FRMPD1: variants seen among roughly 807,000 people sequenced by gnomAD.
The protein encoded by FRMPD1 is FERM and PDZ domain-containing protein 1.
Under a neutral mutation model 117.8 loss-of-function variants are expected in FRMPD1, and 76 were observed. The ratio of observed to expected loss-of-function variants is 0.65; its 90% CI spans 0.54 to 0.78. The LOEUF is 0.78. FRMPD1 is among the 30% of genes least tolerant of loss of function. FRMPD1 has a pLI of 0.00. For missense variants in FRMPD1, 1,786 were observed against 1,964.5 expected (o/e 0.91, Z 1.72); for synonymous variants, 783 against 770.4 (o/e 1.02, Z -0.27).
At chr9:37,706,377 T>C (rs1032707912) in intron 2 of FRMPD1, among the ~76,000 whole-genome samples, 1 of 152,226 alleles carries the variant, frequency 6.6e-6, no homozygotes, top group Non-Finnish European at 1.5e-5. Flanking sequence ...CCTATTGCAT[T>C]AGGCAGGGTT....
chr9:37,638,472 T>A, the FRMPD1 span, among the ~76,000 whole-genome samples: 1 of 152,320 alleles, frequency 6.6e-6, no homozygotes, highest in Non-Finnish European at 1.5e-5. Context: ...GCTGCCCACC[T>A]GTCTGATTAT....
chr9:37,685,604 ATC>A (rs1434062208), intron 1 of FRMPD1, among the ~76,000 whole-genome samples: 5 of 152,010 alleles, frequency 3.3e-5, no homozygotes, highest in Admixed American at 6.5e-5. Flanking sequence ...GTGAGCCGAG[ATC>A]TTGCCACTGC....
At chr9:37,709,568 A>G (rs1822836360) in intron 4 of FRMPD1, among the ~76,000 whole-genome samples, 1 of 152,178 alleles carries the variant, frequency 6.6e-6, no homozygotes, top group Non-Finnish European at 1.5e-5. Flanking sequence ...AAAAGAGAGA[A>G]AGAAAAAGAA....
the FRMPD1 span, among the ~76,000 whole-genome samples, chr9:37,608,382 C>A: frequency 4.1e-5 from 4 of 98,376 alleles, no homozygotes; most frequent in Admixed American, 2.5e-4. Flanking sequence ...CTTTCTCTTT[C>A]TTTCTTTTTT....
chr9:37,652,756 C>T (rs1345699129), intron 1 of FRMPD1, among the ~76,000 whole-genome samples: 1 of 152,162 alleles, frequency 6.6e-6, no homozygotes, highest in Non-Finnish European at 1.5e-5. Context: ...ACTACTCATT[C>T]GAGAGGACAC....
chr9:37,655,927 A>G (rs1820829812), intron 1 of FRMPD1, among the ~76,000 whole-genome samples: 2 of 151,864 alleles, frequency 1.3e-5, no homozygotes, highest in African/African-American at 2.4e-5. Context: ...CTCAAATCCT[A>G]CCACCCTTAG....
chr9:37,685,402 G>A (rs1418817399), intron 1 of FRMPD1, among the ~76,000 whole-genome samples: 1 of 152,110 alleles, frequency 6.6e-6, no homozygotes, highest in Non-Finnish European at 1.5e-5. Context: ...CCAGCACTTT[G>A]GGAGGCCAAG....
intron 1 of FRMPD1, among the ~76,000 whole-genome samples, chr9:37,661,096 T>G (rs10814592): frequency 0.17 from 25,511 of 152,164 alleles, 3,026 homozygotes; most frequent in East Asian, 0.47. Flanking sequence ...CTCTGCACTT[T>G]CAGAGGATAG....
chr9:37,688,282 T>C (rs113467502), intron 1 of FRMPD1, among the ~76,000 whole-genome samples: 26 of 151,426 alleles, frequency 1.7e-4, no homozygotes, highest in African/African-American at 6.0e-4. Context: ...TTCAATCCCA[T>C]TAACAAATAT....
chr9:37,693,699 C>T (rs1822226638), intron 2 of FRMPD1, among the ~76,000 whole-genome samples: 1 of 152,218 alleles, frequency 6.6e-6, no homozygotes, highest in Admixed American at 6.5e-5. Flanking sequence ...TCCTTTCCAG[C>T]TATTTGTCTT....
intron 1 of FRMPD1, among the ~76,000 whole-genome samples, chr9:37,674,072 T>C (rs111614079): frequency 0.23 from 35,212 of 152,230 alleles, 4,208 homozygotes; most frequent in Middle Eastern, 0.28. Context: ...AATGGGTTTT[T>C]CTTTTCTATT....
At chr9:37,692,554 A>G (rs561779785) in intron 1 of FRMPD1, 84 bp from the exon 2 acceptor site, 215 of 901,342 alleles carry the variant, frequency 2.4e-4, no homozygotes, top group Non-Finnish European at 3.7e-4. Context: ...TAATGGGCAA[A>G]TAAAGGAAGC....
chr9:37,738,535 C>T lies in FRMPD1; in HGVS notation c.1549+1292C>T, dbSNP rs60327666. On this transcript the variant is annotated intron_variant, in intron 14 of 15. Coordinates refer to ENST00000377765, the MANE Select transcript of FRMPD1 (RefSeq NM_014907.3). ...TTGTACATTAGTAGAGATGGGGTTT[C>T]GCCATGTTGGTCAGACTGGTCTCGA... 5.8e-3 allele frequency among the ~76,000 whole-genome samples: 885 copies of T among 152,206 alleles called. 8 individuals carry two copies. Among genetic ancestry groups the T allele is most frequent in the African/African-American group, 0.02 (822 of 41,526 alleles).
the FRMPD1 span, among the ~76,000 whole-genome samples, chr9:37,638,946 G>A: frequency 2.0e-5 from 3 of 152,062 alleles, no homozygotes; most frequent in Non-Finnish European, 2.9e-5. Context: ...TTCTTGTTTC[G>A]TGGTGCCCAC....
At chr9:37,604,787 C>T in the FRMPD1 span, among the ~76,000 whole-genome samples, 2 of 152,094 alleles carry the variant, frequency 1.3e-5, no homozygotes, top group Admixed American at 6.5e-5. Flanking sequence ...AATGAGGGAA[C>T]CAGCCAGAAC....
chr9:37,706,850 C>T (rs976604888), intron 2 of FRMPD1, among the ~76,000 whole-genome samples: 1 of 152,192 alleles, frequency 6.6e-6, no homozygotes, highest in African/African-American at 2.4e-5. Context: ...TTTCTGCTCA[C>T]CATCCATGTT....
intron 1 of FRMPD1, among the ~76,000 whole-genome samples, chr9:37,668,888 A>T (rs1249853660): frequency 6.6e-6 from 1 of 152,212 alleles, no homozygotes; most frequent in Non-Finnish European, 1.5e-5. Context: ...ATCATTTTAT[A>T]TATAAATAAG....
intron 1 of FRMPD1, among the ~76,000 whole-genome samples, chr9:37,673,220 A>G (rs1406521397): frequency 2.0e-5 from 3 of 152,188 alleles, no homozygotes; most frequent in Admixed American, 1.3e-4. Context: ...GCCATTCCAA[A>G]TGGGAGAAAT....
In FRMPD1 at chr9:37,730,995, G is replaced by T. The variant is rs1823851681; in HGVS notation, c.750G>T (p.Arg250Ser). 2 of 1,613,946 alleles carry T rather than the reference G, an allele frequency of 1.2e-6. No individual in the cohort carries two copies. The highest frequency in any genetic ancestry group is 1.1e-5 in the South Asian group (1 of 91,062). ...CTTACCCATCGCAGGTGGTAGAAAG[G>T]GAGGAGTCACATGACTACCGCTGCC... Reference protein sequence around the residue: ...EEELIQQVVEREESHDYRCLF... With the variant: ...EEELIQQVVESEESHDYRCLF... The change falls in exon 9 of 16, where the codon AGG (arginine) becomes AGT (serine). Residue 250 changes from arginine to serine, a missense_variant. Coordinates refer to ENST00000377765, the MANE Select transcript of FRMPD1 (RefSeq NM_014907.3).
Sources: allele counts gnomAD v4.1 joint callset (sites outside exome capture counted in the v4.1 genomes callset), GRCh38; gene constraint gnomAD v4.1.1; transcripts MANE v1.5; gene names NCBI Gene and HGNC (gene_info 2026-07-23, HGNC 2026-07-21).